The following AOPEP variants were observed in gnomAD, a reference collection of about 807,000 sequenced individuals.
AOPEP encodes aminopeptidase O.
A neutral mutation model predicts 98.1 loss-of-function variants in AOPEP; 77 were observed. That is an observed-to-expected ratio of 0.78 (90% CI 0.65 to 0.95). The LOEUF (loss-of-function observed/expected upper bound fraction) is 0.95. AOPEP is among the 40% of genes least tolerant of loss of function. The pLI, the probability that AOPEP is intolerant of heterozygous loss-of-function variation, is 0.00. For synonymous variants in AOPEP, 346 were observed against 365.3 expected (o/e 0.95, Z 0.60); for missense variants, 1,024 against 1,024.7 (o/e 1.00, Z 0.01).
chr9:94,805,081 G>T (rs113355716), intron 5 of AOPEP, among the ~76,000 whole-genome samples: 1 of 152,186 alleles, frequency 6.6e-6, no homozygotes, highest in Non-Finnish European at 1.5e-5. Context: ...AGTGAGCTTG[G>T]GTGCCAGGAG....
At chr9:95,052,841 T>C (rs1391286089) in intron 13 of AOPEP, among the ~76,000 whole-genome samples, 1 of 152,226 alleles carries the variant, frequency 6.6e-6, no homozygotes, top group African/African-American at 2.4e-5. Context: ...CCTGAGCATG[T>C]GACTGTTTGA....
intron 11 of AOPEP, among the ~76,000 whole-genome samples, chr9:94,989,334 C>T (rs1323694925): frequency 1.3e-5 from 2 of 152,070 alleles, no homozygotes; most frequent in Non-Finnish European, 2.9e-5. Context: ...GATCTCCTGA[C>T]CTCGAGATCC....
chr9:94,801,130 T>G, intron 5 of AOPEP, 128 bp downstream of exon 5: 1 of 1,103,360 alleles, frequency 9.1e-7, no homozygotes, highest in Non-Finnish European at 1.3e-6. Flanking sequence ...TGCTCATGCT[T>G]GGACATCTCA....
intron 7 of AOPEP, among the ~76,000 whole-genome samples, chr9:94,945,173 C>T (rs1445717302): frequency 6.6e-6 from 1 of 152,180 alleles, no homozygotes; most frequent in Non-Finnish European, 1.5e-5. Context: ...GAAAGCATCC[C>T]TCAAGCACAA....
At chr9:95,004,189 C>T (rs2061751487) in intron 11 of AOPEP, 1 of 455,630 alleles carries the variant, frequency 2.2e-6, no homozygotes, top group African/African-American at 2.0e-5. Flanking sequence ...CGCCCCGGCC[C>T]GCCCTCACCG....
At chr9:95,085,476 T>C in intron 16 of AOPEP, 1 of 533,352 alleles carries the variant, frequency 1.9e-6, no homozygotes, top group Non-Finnish European at 3.9e-6. Flanking sequence ...GCTTAGCTGA[T>C]TGGTGAACAG....
chr9:95,024,665 A>G (rs976758065), intron 13 of AOPEP, among the ~76,000 whole-genome samples: 7 of 152,106 alleles, frequency 4.6e-5, no homozygotes, highest in African/African-American at 1.7e-4. Context: ...GAGGAGGGAG[A>G]ATGTTGGTAT....
At chr9:94,745,452 T>C (rs549494160) in intron 1 of AOPEP, among the ~76,000 whole-genome samples, 1 of 152,176 alleles carries the variant, frequency 6.6e-6, no homozygotes, top group African/African-American at 2.4e-5. Context: ...ATTTTTTGTA[T>C]TTTTAGTAGA....
rs767223730 is a variant in AOPEP, at chr9:95,086,120, G to C, written c.*5-562G>C. 7 of 1,364,492 alleles carry C rather than the reference G, an allele frequency of 5.1e-6. No homozygotes were observed. The South Asian group carries it at 8.0e-5, about 16-fold the overall frequency. The allele number at this position is 1,364,492 out of a possible 1,614,324, so 84.5% of individuals were successfully genotyped here. ...CCTTGAGCAAAAAGCCTTCGTGTCT[G>C]TAAGTGCCCGAGGCTCAGGAGAGCT... On this transcript the variant is annotated intron_variant, in intron 16 of 16. Coordinates refer to ENST00000375315, the MANE Select transcript of AOPEP (RefSeq NM_001193329.3).
intron 5 of AOPEP, among the ~76,000 whole-genome samples, chr9:94,882,191 A>C (rs2135871898): frequency 6.6e-6 from 1 of 152,302 alleles, no homozygotes; most frequent in Admixed American, 6.5e-5. Flanking sequence ...AAAGGGTGAA[A>C]GGGTAATTTG....
At chr9:94,846,729 T>C (rs145239492) in intron 5 of AOPEP, among the ~76,000 whole-genome samples, 12 of 152,114 alleles carry the variant, frequency 7.9e-5, no homozygotes, top group African/African-American at 2.9e-4. Context: ...GAAAACAAAG[T>C]GAGACTCCAT....
chr9:94,933,137 A>C, intron 7 of AOPEP: 1 of 985,704 alleles, frequency 1.0e-6, no homozygotes, highest in Non-Finnish European at 1.2e-6. Context: ...GCCACTGTTC[A>C]GCTCTCTCCT....
chr9:94,959,910 TTC>T (rs2058702043), intron 9 of AOPEP, among the ~76,000 whole-genome samples: 1 of 152,236 alleles, frequency 6.6e-6, no homozygotes, highest in South Asian at 2.1e-4. Context: ...GTTTTAAATT[TTC>T]TTTTACTTGA....
At chr9:94,792,534 A>T (rs1845959826) in intron 3 of AOPEP, among the ~76,000 whole-genome samples, 1 of 152,100 alleles carries the variant, frequency 6.6e-6, no homozygotes, top group Non-Finnish European at 1.5e-5. Context: ...AAGGGCTTCA[A>T]ACTGATCCGT....
the AOPEP span, among the ~76,000 whole-genome samples, chr9:95,113,046 C>A: frequency 6.6e-6 from 1 of 152,224 alleles, no homozygotes; most frequent in African/African-American, 2.4e-5. Context: ...TACGTCCTGT[C>A]CCCGAGTTAA....
At chr9:95,084,124 T>C (rs2070276671) in intron 16 of AOPEP, among the ~76,000 whole-genome samples, 1 of 152,214 alleles carries the variant, frequency 6.6e-6, no homozygotes, top group African/African-American at 2.4e-5. Flanking sequence ...AAAAAAACTT[T>C]ATCAAATCTG....
intron 14 of AOPEP, among the ~76,000 whole-genome samples, chr9:95,064,051 G>T (rs1344581212): frequency 6.6e-6 from 1 of 152,186 alleles, no homozygotes; most frequent in Non-Finnish European, 1.5e-5. Flanking sequence ...GTAACCTTGG[G>T]AGGCTCCACT....
At chr9:94,740,155 G>C (rs1832746548) in intron 1 of AOPEP, among the ~76,000 whole-genome samples, 1 of 152,130 alleles carries the variant, frequency 6.6e-6, no homozygotes, top group Non-Finnish European at 1.5e-5. Context: ...TGGGGTTTCT[G>C]TGGGAAAGGC....
chr9:94,741,994 G>A (rs546263554), intron 1 of AOPEP, among the ~76,000 whole-genome samples: 44 of 152,314 alleles, frequency 2.9e-4, no homozygotes, highest in African/African-American at 1.1e-3. Flanking sequence ...ACCAGTTACA[G>A]GGGTTCAAGA....
Sources: gnomAD v4.1 joint callset for allele counts (sites outside exome capture counted in the v4.1 genomes callset) on GRCh38, gnomAD v4.1.1 for gene constraint, MANE v1.5 for transcripts, NCBI Gene and HGNC (gene_info 2026-07-23, HGNC 2026-07-21) for gene names.